GET4: variants seen among roughly 807,000 people sequenced by gnomAD.
GET4 encodes the protein guided entry of tail-anchored proteins factor 4.
In GET4, 20 loss-of-function variants were observed where a neutral mutation model predicts 40.0. The observed-to-expected ratio is 0.50, with a 90% CI of 0.35 to 0.73. The LOEUF (loss-of-function observed/expected upper bound fraction) is 0.73. Among genes scored for constraint, GET4 ranks in the 30% least tolerant of loss-of-function variants. GET4 has a pLI of 0.01. For synonymous variants in GET4, 280 were observed against 194.6 expected (o/e 1.44, Z -3.65); for missense variants, 557 against 454.0 (o/e 1.23, Z -2.06).
rs1844466583 is a variant in GET4 at position 895,666 on chromosome 7, A to G, written c.*244A>G. 2 of 388,634 alleles carry G rather than the reference A, an allele frequency of 5.1e-6. No homozygotes were observed. The highest frequency in any genetic ancestry group is 9.4e-6 in the Non-Finnish European group (2 of 213,426). The allele number at this position is 388,634 out of a possible 1,614,324, so 24.1% of individuals were successfully genotyped here. ...GCCGCGTCCCCCGAGATTGACCCAC[A>G]ATAAAGCACAGGCCTTACCGCGGCG... On this transcript the variant is annotated 3_prime_UTR_variant, in exon 9 of 9. Transcript: ENST00000265857.
chr7:886,953 C>T (rs1307998208), intron 3 of GET4: 14 of 525,124 alleles, frequency 2.7e-5, no homozygotes, highest in Admixed American at 6.2e-5. Context: ...GGTGGGGCAC[C>T]ACTTTGGCTT....
chr7:892,591 C>T (rs1844352509), intron 6 of GET4, 173 bp downstream of exon 6: 2 of 607,180 alleles, frequency 3.3e-6, no homozygotes, highest in Non-Finnish European at 2.8e-6. Flanking sequence ...GGTGTGTGTG[C>T]AGGTCTGTTG....
Position 895,605 on chromosome 7 carries a change from C to G in GET4, c.*183C>G, listed in dbSNP as rs1459316754. ...GGCGCGGCTGCTGCTCACTGTGCTG[C>G]TGGGACCCAAGAGTGGGGCGTCGCC... On this transcript the variant is annotated 3_prime_UTR_variant, in exon 9 of 9. Transcript: ENST00000265857. The G allele has an allele frequency of 2.2e-6, 1 of 464,076 alleles. No homozygotes were observed. The highest frequency in any genetic ancestry group is 4.0e-5 in the Admixed American group (1 of 24,952). 28.7% of individuals were successfully genotyped at this position (464,076 alleles called of 1,614,324 possible). A position where few individuals can be genotyped will look rare whatever the true frequency, so the allele number is the denominator to read the frequency against.
intron 1 of GET4, chr7:883,655 T>C (rs554306230): frequency 1.0e-6 from 1 of 985,450 alleles, no homozygotes; most frequent in Non-Finnish European, 1.2e-6. Context: ...GCACGGCCAA[T>C]AGTGCGCAGC....
intron 1 of GET4, among the ~76,000 whole-genome samples, chr7:878,976 A>ACCC (rs11294677): frequency 2.0e-5 from 3 of 149,728 alleles, no homozygotes; most frequent in Non-Finnish European, 4.5e-5. Flanking sequence ...CCCCACAGAC[A>ACCC]CCCCCCCCCG....
At chr7:894,124 A>T (rs756457331) in intron 8 of GET4, among the ~76,000 whole-genome samples, 153 bp downstream of exon 8, 5 of 152,220 alleles carry the variant, frequency 3.3e-5, no homozygotes, top group Non-Finnish European at 7.3e-5. Context: ...GTAGGAAATT[A>T]TTAGATTTCA....
intron 8 of GET4, among the ~76,000 whole-genome samples, chr7:895,059 C>T (rs143849329): frequency 0.017 from 2,519 of 151,948 alleles, 33 homozygotes; most frequent in Non-Finnish European, 0.028. Flanking sequence ...TGTAGGCCCC[C>T]GTGGCTGCTC....
At chr7:883,488 GAA>G (rs1184164620) in intron 1 of GET4, 3 of 984,566 alleles carry the variant, frequency 3.0e-6, no homozygotes, top group Non-Finnish European at 3.6e-6. Context: ...TTTTGTAAGA[GAA>G]GAGCAAAATC....
Position 890,986 on chromosome 7 carries a change from T to TG in GET4, c.526dup (p.Ala176GlyfsTer36). ...TGCACTCAGCGGACGGGGAGGGCTGTGCCAACATGCTGGTGGAGTATTCCA... is the reference window on the plus strand; with the variant it reads ...TGCACTCAGCGGACGGGGAGGGCTGTGGCCAACATGCTGGTGGAGTATTCCA... On this transcript the variant is annotated frameshift_variant, in exon 5 of 9. Coordinates refer to ENST00000265857, the MANE Select transcript of GET4 (RefSeq NM_015949.3). LOFTEE classifies it high-confidence loss of function. 1 of 1,610,830 alleles carries TG rather than the reference T, an allele frequency of 6.2e-7. No homozygotes were observed. Among genetic ancestry groups the TG allele is most frequent in the Non-Finnish European group, 8.5e-7 (1 of 1,177,188 alleles).
chr7:883,821 C>T (rs929266574), intron 1 of GET4: 1 of 993,390 alleles, frequency 1.0e-6, no homozygotes, highest in Non-Finnish European at 1.2e-6. Flanking sequence ...GAGAAGCCGT[C>T]CACGTTCAGA....
At position 887,306 on chromosome 7, in the gene GET4, G is replaced by GA; in HGVS notation, c.317-62dup. On this transcript the variant is annotated intron_variant, in intron 3 of 8. Transcript: ENST00000265857. ...GCGAATGGAAATCCACTTCTGTGGGGAATGTGGGACAGAGAGCCGGAGTGG... is the reference window on the plus strand; with the variant it reads ...GCGAATGGAAATCCACTTCTGTGGGGAAATGTGGGACAGAGAGCCGGAGTGG... 2.7e-6 allele frequency: 4 copies of GA among 1,477,190 alleles called. No individual in the cohort carries two copies. The South Asian group carries it at 4.7e-5, about 17-fold the overall frequency. 91.5% of individuals were successfully genotyped at this position (1,477,190 alleles called of 1,614,324 possible). A position where few individuals can be genotyped will look rare whatever the true frequency, so the allele number is the denominator to read the frequency against.
intron 1 of GET4, chr7:880,571 C>G (rs1019748529): frequency 2.0e-5 from 3 of 152,274 alleles, no homozygotes; most frequent in African/African-American, 7.2e-5. Flanking sequence ...CCGCATGTGA[C>G]ATCGTGAGGT....
intron 4 of GET4, among the ~76,000 whole-genome samples, chr7:888,283 G>A (rs1489255923): frequency 6.6e-6 from 1 of 152,202 alleles, no homozygotes; most frequent in Non-Finnish European, 1.5e-5. Flanking sequence ...GCTCCTCCTA[G>A]ACACAGTGTG....
intron 5 of GET4, among the ~76,000 whole-genome samples, chr7:891,332 G>A (rs1177816598): frequency 6.6e-6 from 1 of 152,216 alleles, no homozygotes; most frequent in African/African-American, 2.4e-5. Flanking sequence ...ACTGCCGGGA[G>A]GCCCTGTGGT....
chr7:876,610 T>A lies in GET4; in HGVS notation c.-36T>A. On this transcript the variant is annotated 5_prime_UTR_variant, in exon 1 of 9. Transcript: ENST00000265857. ...GCCGGGAGGCGCTGCCGACCGCGCCTGCGACAGCGTCAGCCCTGCGCGGAG... is the reference window on the plus strand; with the variant it reads ...GCCGGGAGGCGCTGCCGACCGCGCCAGCGACAGCGTCAGCCCTGCGCGGAG... The A allele has an allele frequency of 5.1e-6, 6 of 1,167,548 alleles. No homozygotes were observed. Among genetic ancestry groups the A allele is most frequent in the South Asian group, 4.2e-5 (1 of 24,068 alleles). 72.3% of individuals were successfully genotyped at this position (1,167,548 alleles called of 1,614,324 possible). A position where few individuals can be genotyped will look rare whatever the true frequency, so the allele number is the denominator to read the frequency against.
At chr7:892,723 G>A (rs369734321) in intron 6 of GET4, among the ~76,000 whole-genome samples, 1 of 151,006 alleles carries the variant, frequency 6.6e-6, no homozygotes, top group South Asian at 2.1e-4. Flanking sequence ...GGTGGTGTGG[G>A]TGCAGACGTC....
intron 1 of GET4, chr7:884,521 T>C (rs1844150370): frequency 2.5e-6 from 1 of 403,702 alleles, no homozygotes; most frequent in Non-Finnish European, 4.5e-6. Flanking sequence ...TCCCTCCTGG[T>C]GCCCTGCCTC....
rs996959116 is a variant in GET4 at position 895,786 on chromosome 7, C to T, written c.*364C>T. ...TCGGGGGGCTGCGCACATCACGCTCCTTGCCGGGCGTCCGGCACAGCTGCG... is the reference window on the plus strand; with the variant it reads ...TCGGGGGGCTGCGCACATCACGCTCTTTGCCGGGCGTCCGGCACAGCTGCG... On this transcript the variant is annotated 3_prime_UTR_variant, in exon 9 of 9. Transcript: ENST00000265857. 2.4e-5 allele frequency: 4 copies of T among 165,690 alleles called. No individual in the cohort carries two copies. Among genetic ancestry groups the T allele is most frequent in the Non-Finnish European group, 5.2e-5 (4 of 76,946 alleles). The allele number at this position is 165,690 out of a possible 1,614,324, so 10.3% of individuals were successfully genotyped here.
intron 1 of GET4, among the ~76,000 whole-genome samples, chr7:877,300 GC>G (rs137870121): frequency 0.039 from 3,395 of 87,938 alleles, 187 homozygotes; most frequent in African/African-American, 0.14. Flanking sequence ...GCCTCTCCTT[GC>G]CCCCCGCCTC....
Sources: gnomAD v4.1 joint callset for allele counts (sites outside exome capture counted in the v4.1 genomes callset) on GRCh38, gnomAD v4.1.1 for gene constraint, MANE v1.5 for transcripts, NCBI Gene and HGNC (gene_info 2026-07-23, HGNC 2026-07-21) for gene names.